ACTR2: variants seen among roughly 807,000 people sequenced by gnomAD.
The protein encoded by ACTR2 is actin related protein 2.
Under a neutral mutation model 50.2 loss-of-function variants are expected in ACTR2, and 5 were observed. The observed-to-expected ratio is 0.10, with a 90% CI of 0.05 to 0.21. ACTR2 has a LOEUF of 0.21. Among genes scored for constraint, ACTR2 ranks in the 10% least tolerant of loss-of-function variants. The pLI is 1.00. For missense variants in ACTR2, 180 were observed against 480.6 expected, an observed-to-expected ratio of 0.37 and a Z score of 5.85; for synonymous variants, 140 against 162.9, an observed-to-expected ratio of 0.86 and a Z score of 1.07.
intron 8 of ACTR2, 81 bp from the exon 9 acceptor site, chr2:65,268,483 C>CATAT: frequency 8.0e-7 from 1 of 1,250,840 alleles, no homozygotes; most frequent in Non-Finnish European, 1.1e-6. Flanking sequence ...TGAGGGAGAG[C>CATAT]ATATATTTAA....
At chr2:65,245,212 G>T (rs185595) in intron 2 of ACTR2, among the ~76,000 whole-genome samples, 44 of 150,198 alleles carry the variant, frequency 2.9e-4, no homozygotes, top group Non-Finnish European at 5.8e-4. Context: ...ATATTTTTAA[G>T]CCTTTGTTTT....
chr2:65,252,060 A>G (rs528593266), intron 4 of ACTR2, among the ~76,000 whole-genome samples: 18 of 151,972 alleles, frequency 1.2e-4, no homozygotes, highest in South Asian at 6.2e-4. Context: ...GGCACTGGAA[A>G]TGGGTCAAGT....
chr2:65,239,409 G>A (rs552639886), intron 1 of ACTR2, among the ~76,000 whole-genome samples: 1 of 152,320 alleles, frequency 6.6e-6, no homozygotes, highest in South Asian at 2.1e-4. Flanking sequence ...AGCCGAGATT[G>A]TGCCATTGCA....
chr2:65,250,022 G>C (rs556604953), intron 3 of ACTR2, among the ~76,000 whole-genome samples: 2 of 152,178 alleles, frequency 1.3e-5, no homozygotes, highest in African/African-American at 4.8e-5. Context: ...ATTGAGGGAG[G>C]GGGTACGAGG....
At chr2:65,232,857 A>G (rs1242307403) in intron 1 of ACTR2, among the ~76,000 whole-genome samples, 2 of 152,232 alleles carry the variant, frequency 1.3e-5, no homozygotes, top group Non-Finnish European at 2.9e-5. Flanking sequence ...GCCTTACTGC[A>G]CACAATGAAA....
intron 4 of ACTR2, among the ~76,000 whole-genome samples, 194 bp downstream of exon 4, chr2:65,251,293 T>C (rs548955288): frequency 2.9e-5 from 3 of 104,866 alleles, no homozygotes; most frequent in African/African-American, 3.9e-5. Flanking sequence ...TTGCTAAATA[T>C]GTATTTAAGG....
intron 5 of ACTR2, among the ~76,000 whole-genome samples, chr2:65,255,251 ATTGT>A (rs1266516379): frequency 1.3e-5 from 2 of 152,178 alleles, no homozygotes; most frequent in African/African-American, 2.4e-5. Flanking sequence ...TATACTTTTG[ATTGT>A]TTATCAAAAC....
intron 3 of ACTR2, among the ~76,000 whole-genome samples, chr2:65,248,944 TG>T: frequency 6.6e-6 from 1 of 151,450 alleles, no homozygotes; most frequent in South Asian, 2.1e-4. Context: ...ACCCAGGAGG[TG>T]GAGGTTGCAG....
At chr2:65,242,179 T>C (rs1671850078) in intron 2 of ACTR2, 1 of 725,200 alleles carries the variant, frequency 1.4e-6, no homozygotes, top group Non-Finnish European at 2.4e-6. Flanking sequence ...ATATTTTTAT[T>C]TTAAGTACTT....
At position 65,233,257 on chromosome 2, in the gene ACTR2, A is replaced by C. The variant is rs553437459; in HGVS notation, c.48+5300A>C. ...TGATCTGCCTGCCTCAGCCTCCCAA[A>C]GTGCTGGGATTATAGGCGTGAGCAC... On this transcript the variant is annotated intron_variant, in intron 1 of 8. Coordinates refer to ENST00000260641, the MANE Select transcript of ACTR2 (RefSeq NM_005722.4). Among the ~76,000 whole-genome samples, 12 of 152,036 alleles carry C rather than the reference A, an allele frequency of 7.9e-5. No homozygotes were observed. The East Asian group carries it at 2.1e-3, about 27-fold the overall frequency.
intron 7 of ACTR2, among the ~76,000 whole-genome samples, chr2:65,262,548 T>A (rs1302106727): frequency 6.6e-6 from 1 of 152,028 alleles, no homozygotes; most frequent in Non-Finnish European, 1.5e-5. Flanking sequence ...GCATGTATAT[T>A]TTTGTTAGAT....
intron 6 of ACTR2, 111 bp from the exon 7 acceptor site, chr2:65,261,132 TGTTG>T (rs1672261396): frequency 1.0e-6 from 1 of 967,896 alleles, no homozygotes; most frequent in South Asian, 1.8e-5. Flanking sequence ...GAAAAATTGT[TGTTG>T]GTAATGATTT....
chr2:65,232,997 G>GT (rs35572490), intron 1 of ACTR2, among the ~76,000 whole-genome samples: 30,162 of 140,838 alleles, frequency 0.21, 3,776 homozygotes, highest in East Asian at 0.32. Flanking sequence ...TCATGGTTTA[G>GT]TTTTTTTTTT....
At chr2:65,257,308 C>A (rs900806914) in intron 6 of ACTR2, among the ~76,000 whole-genome samples, 1 of 152,102 alleles carries the variant, frequency 6.6e-6, no homozygotes, top group African/African-American at 2.4e-5. Context: ...CATAGTATTC[C>A]ATGGTGTATA....
At chr2:65,261,105 C>CT in intron 6 of ACTR2, 142 bp from the exon 7 acceptor site, 1 of 703,114 alleles carries the variant, frequency 1.4e-6, no homozygotes, top group Non-Finnish European at 2.2e-6. Context: ...ACCTTTTTTT[C>CT]CCCAAATATA....
intron 1 of ACTR2, among the ~76,000 whole-genome samples, chr2:65,236,086 G>A (rs1256302593): frequency 1.3e-5 from 2 of 152,052 alleles, no homozygotes; most frequent in African/African-American, 4.8e-5. Context: ...CGGGTGCGGT[G>A]GCTTATGCCT....
intron 8 of ACTR2, among the ~76,000 whole-genome samples, chr2:65,267,873 T>G (rs1672407411): frequency 7.7e-6 from 1 of 129,632 alleles, no homozygotes; most frequent in African/African-American, 2.9e-5. Flanking sequence ...TTTTTTTTTT[T>G]TTTTTTTTTT....
Position 65,228,022 on chromosome 2 carries a change from G to A in ACTR2, c.48+65G>A, listed in dbSNP as rs574975503. On this transcript the variant is annotated intron_variant, in intron 1 of 8. Coordinates refer to ENST00000260641, the MANE Select transcript of ACTR2 (RefSeq NM_005722.4). Reference sequence around the variant, plus strand: ...CGGCGGGGACGAGCAGCTGGCGCACGGGCCCTCGGCCCCCAGGGCTGCACC... The same window carrying A: ...CGGCGGGGACGAGCAGCTGGCGCACAGGCCCTCGGCCCCCAGGGCTGCACC... 3.5e-6 allele frequency: 5 copies of A among 1,438,562 alleles called. No individual in the cohort carries two copies. The African/African-American group carries it at 4.5e-5, about 13-fold the overall frequency. 89.1% of individuals were successfully genotyped at this position (1,438,562 alleles called of 1,614,324 possible). A position where few individuals can be genotyped will look rare whatever the true frequency, so the allele number is the denominator to read the frequency against.
intron 1 of ACTR2, among the ~76,000 whole-genome samples, chr2:65,239,425 G>A (rs538179143): frequency 6.6e-6 from 1 of 152,366 alleles, no homozygotes; most frequent in East Asian, 1.9e-4. Flanking sequence ...TTGCACTTCT[G>A]CCTGGGCAAA....
Sources: allele counts gnomAD v4.1 joint callset (sites outside exome capture counted in the v4.1 genomes callset), GRCh38; gene constraint gnomAD v4.1.1; transcripts MANE v1.5; gene names NCBI Gene and HGNC (gene_info 2026-07-23, HGNC 2026-07-21).